The following NIPSNAP2 variants were observed in gnomAD, a reference collection of about 807,000 sequenced individuals.
The protein encoded by NIPSNAP2 is nipsnap homolog 2.
NIPSNAP2 carries 42 observed loss-of-function variants against 48.4 expected under a neutral mutation model. That is an observed-to-expected ratio of 0.87 (90% CI 0.68 to 1.12). The LOEUF (loss-of-function observed/expected upper bound fraction) is 1.12. Ranked by LOEUF, NIPSNAP2 falls within the 50% of genes most tolerant of loss-of-function variation. The pLI, the probability that NIPSNAP2 is intolerant of heterozygous loss-of-function variation, is 0.00. For synonymous variants in NIPSNAP2, 158 were observed against 126.6 expected, an observed-to-expected ratio of 1.25 and a Z score of -1.67; for missense variants, 314 against 347.3, an observed-to-expected ratio of 0.90 and a Z score of 0.76.
At chr7:55,998,775 A>T (rs750084250) in intron 9 of NIPSNAP2, among the ~76,000 whole-genome samples, 1 of 152,114 alleles carries the variant, frequency 6.6e-6, no homozygotes, top group Non-Finnish European at 1.5e-5. Flanking sequence ...CTGGGATTAC[A>T]GGTGATCTGC....
chr7:55,981,571 G>C lies in NIPSNAP2; in HGVS notation c.373+4G>C. On this transcript the variant is annotated splice_donor_region_variant and intron_variant, in intron 4 of 9. Coordinates refer to ENST00000322090, the MANE Select transcript of NIPSNAP2 (RefSeq NM_001483.3). ...TATGGCGAGCAGGACCAAGCTGGTA[G>C]GAAGCGAAGTCTTTGGAATAAACAC... The C allele has an allele frequency of 6.2e-7, 1 of 1,607,072 alleles. No homozygotes were observed. Among genetic ancestry groups the C allele is most frequent in the Non-Finnish European group, 8.5e-7 (1 of 1,174,070 alleles).
At chr7:55,965,390 C>G (rs1786871986) in intron 1 of NIPSNAP2, among the ~76,000 whole-genome samples, 1 of 151,626 alleles carries the variant, frequency 6.6e-6, no homozygotes, top group Non-Finnish European at 1.5e-5. Flanking sequence ...TGTCCAAATT[C>G]ATCACCTTGA....
chr7:55,971,622 C>G (rs1056651943), intron 1 of NIPSNAP2, among the ~76,000 whole-genome samples: 5 of 152,066 alleles, frequency 3.3e-5, no homozygotes, highest in Non-Finnish European at 7.4e-5. Flanking sequence ...GCCACCATGC[C>G]CAGCTACTCT....
intron 7 of NIPSNAP2, among the ~76,000 whole-genome samples, 168 bp from the exon 8 acceptor site, chr7:55,994,721 ATAAAG>A (rs1787522023): frequency 6.6e-6 from 1 of 151,536 alleles, no homozygotes; most frequent in African/African-American, 2.4e-5. Flanking sequence ...TCAAATAATA[ATAAAG>A]TAAATAAAAT....
chr7:55,978,082 A>C lies in NIPSNAP2; in HGVS notation c.93-44A>C, dbSNP rs767391306. ...GTTTGCCAGATTAACTGATGGATAT[A>C]TGAAAACAGTATACTGCGTGACAAC... On this transcript the variant is annotated intron_variant, in intron 1 of 9. Coordinates refer to ENST00000322090, the MANE Select transcript of NIPSNAP2 (RefSeq NM_001483.3). The C allele has an allele frequency of 1.9e-6, 3 of 1,605,656 alleles. No individual in the cohort carries two copies. The African/African-American group carries it at 4.0e-5, about 22-fold the overall frequency.
At chr7:55,988,449 TAAAAG>T (rs1787375692) in intron 7 of NIPSNAP2, among the ~76,000 whole-genome samples, 1 of 151,982 alleles carries the variant, frequency 6.6e-6, no homozygotes, top group African/African-American at 2.4e-5. Context: ...AGCTGTAACT[TAAAAG>T]AGATAGATAA....
intron 9 of NIPSNAP2, among the ~76,000 whole-genome samples, chr7:55,998,391 T>TAC (rs1292381946): frequency 2.6e-5 from 4 of 151,984 alleles, no homozygotes; most frequent in Non-Finnish European, 5.9e-5. Context: ...TAATTGTATT[T>TAC]GATTTTGCTG....
chr7:55,988,884 T>C (rs951447644), intron 7 of NIPSNAP2, among the ~76,000 whole-genome samples: 3 of 151,388 alleles, frequency 2.0e-5, no homozygotes, highest in African/African-American at 7.3e-5. Context: ...AAAAAAAAAA[T>C]TACATATGAC....
At chr7:55,992,450 A>G (rs555884285) in intron 7 of NIPSNAP2, among the ~76,000 whole-genome samples, 1 of 152,172 alleles carries the variant, frequency 6.6e-6, no homozygotes, top group Non-Finnish European at 1.5e-5. Flanking sequence ...AGATCATGCC[A>G]CTGTACTCCG....
chr7:55,969,196 GGT>G (rs1316041722), intron 1 of NIPSNAP2, among the ~76,000 whole-genome samples: 10 of 152,150 alleles, frequency 6.6e-5, no homozygotes, highest in Non-Finnish European at 8.8e-5. Context: ...GGAAATGAAA[GGT>G]GTGGGAACAG....
At chr7:55,991,066 C>T (rs1787434072) in intron 7 of NIPSNAP2, among the ~76,000 whole-genome samples, 1 of 152,112 alleles carries the variant, frequency 6.6e-6, no homozygotes, top group Non-Finnish European at 1.5e-5. Context: ...GCTGGGATTA[C>T]AGGTGTGAGC....
intron 7 of NIPSNAP2, among the ~76,000 whole-genome samples, chr7:55,992,511 C>T (rs542238809): frequency 3.3e-4 from 50 of 152,154 alleles, no homozygotes; most frequent in African/African-American, 1.2e-3. Flanking sequence ...TTGGCTTAGT[C>T]ACTCACAGGA....
intron 1 of NIPSNAP2, among the ~76,000 whole-genome samples, chr7:55,967,470 AT>A (rs576112052): frequency 2.0e-4 from 30 of 147,848 alleles, no homozygotes; most frequent in Admixed American, 5.4e-4. Context: ...TGACTAAAGA[AT>A]TTTTTTTTTT....
At chr7:55,978,987 AACAG>A in intron 3 of NIPSNAP2, 1 of 152,430 alleles carries the variant, frequency 6.6e-6, no homozygotes, top group East Asian at 1.9e-4. Context: ...CTTTTAAGTT[AACAG>A]AAATAGTATT....
chr7:55,995,163 A>G (rs886336853), intron 8 of NIPSNAP2, among the ~76,000 whole-genome samples, 175 bp downstream of exon 8: 3 of 152,148 alleles, frequency 2.0e-5, no homozygotes, highest in Non-Finnish European at 4.4e-5. Flanking sequence ...GTGAAAGTCC[A>G]TAGATTGATG....
intron 1 of NIPSNAP2, among the ~76,000 whole-genome samples, chr7:55,971,001 T>C (rs1318668898): frequency 6.6e-6 from 1 of 152,172 alleles, no homozygotes; most frequent in Non-Finnish European, 1.5e-5. Context: ...AGGCTTGGCA[T>C]CTGGTTTATC....
intron 8 of NIPSNAP2, among the ~76,000 whole-genome samples, chr7:55,995,572 C>G (rs565394969): frequency 3.5e-4 from 54 of 152,264 alleles, no homozygotes; most frequent in Admixed American, 1.6e-3. Context: ...ATTACCGTTG[C>G]GGCTGTATAT....
intron 1 of NIPSNAP2, among the ~76,000 whole-genome samples, chr7:55,966,820 A>G (rs1786904273): frequency 6.6e-6 from 1 of 152,066 alleles, no homozygotes; most frequent in Non-Finnish European, 1.5e-5. Flanking sequence ...AATGTGTGAG[A>G]TTGCTTGAGG....
chr7:55,976,703 T>C (rs1343480559), intron 1 of NIPSNAP2, among the ~76,000 whole-genome samples: 2 of 152,038 alleles, frequency 1.3e-5, no homozygotes, highest in African/African-American at 4.8e-5. Context: ...TTGGGCAACA[T>C]AGCAAGACCC....
Sources: gnomAD v4.1 joint callset for allele counts (sites outside exome capture counted in the v4.1 genomes callset) on GRCh38, gnomAD v4.1.1 for gene constraint, MANE v1.5 for transcripts, NCBI Gene and HGNC (gene_info 2026-07-23, HGNC 2026-07-21) for gene names.